PPARGC1A: variants seen among roughly 807,000 people sequenced by gnomAD.
The protein encoded by PPARGC1A is PPARG coactivator 1 alpha.
A neutral mutation model predicts 88.7 loss-of-function variants in PPARGC1A; 25 were observed. That is an observed-to-expected ratio of 0.28 (90% confidence interval 0.21 to 0.39). PPARGC1A has a LOEUF of 0.39. Ranked by LOEUF, PPARGC1A falls within the 10% of genes least tolerant of loss-of-function variation. PPARGC1A has a pLI of 1.00. For missense variants in PPARGC1A, 880 were observed against 968.7 expected, an observed-to-expected ratio of 0.91 and a Z score of 1.22; for synonymous variants, 363 against 355.6, an observed-to-expected ratio of 1.02 and a Z score of -0.24.
At chr4:24,444,968 G>T in the PPARGC1A span, among the ~76,000 whole-genome samples, 1 of 151,982 alleles carries the variant, frequency 6.6e-6, no homozygotes, top group African/African-American at 2.4e-5. Flanking sequence ...TGGGAGGATT[G>T]CTAAGCCCAG....
At chr4:23,851,535 A>G (rs1729297794) in intron 2 of PPARGC1A, among the ~76,000 whole-genome samples, 1 of 152,220 alleles carries the variant, frequency 6.6e-6, no homozygotes, top group South Asian at 2.1e-4. Flanking sequence ...GTGAAAGCAA[A>G]TGATGTTATC....
At chr4:24,183,597 C>T in the PPARGC1A span, among the ~76,000 whole-genome samples, 8 of 152,166 alleles carry the variant, frequency 5.3e-5, no homozygotes, top group African/African-American at 1.9e-4. Flanking sequence ...TAGAGAAATC[C>T]AGGCTGATAT....
the PPARGC1A span, among the ~76,000 whole-genome samples, chr4:24,143,255 G>A: frequency 5.9e-5 from 9 of 152,084 alleles, no homozygotes; most frequent in Non-Finnish European, 1.3e-4. Flanking sequence ...CCAGGCACTG[G>A]GGATGTCATG....
At chr4:24,021,579 T>C in the PPARGC1A span, among the ~76,000 whole-genome samples, 1 of 152,128 alleles carries the variant, frequency 6.6e-6, no homozygotes, top group Non-Finnish European at 1.5e-5. Context: ...CAGTTAGTGT[T>C]AGGAGTAAGT....
the PPARGC1A span, among the ~76,000 whole-genome samples, chr4:24,060,689 C>T: frequency 5.3e-5 from 8 of 152,132 alleles, no homozygotes; most frequent in African/African-American, 1.9e-4. Context: ...ATCACAGTGC[C>T]CTGGCCACTT....
chr4:23,874,750 C>T (rs1278133438), intron 2 of PPARGC1A, among the ~76,000 whole-genome samples: 1 of 152,152 alleles, frequency 6.6e-6, no homozygotes, highest in African/African-American at 2.4e-5. Context: ...AGGACAAGAC[C>T]ACAAACCATC....
At chr4:23,818,600 T>TA (rs1722397672) in intron 7 of PPARGC1A, among the ~76,000 whole-genome samples, 2 of 152,072 alleles carry the variant, frequency 1.3e-5, no homozygotes, top group Non-Finnish European at 2.9e-5. Context: ...CACTCACACT[T>TA]ACGCACTTCT....
At chr4:23,974,799 ATTTTTTTTTTTTTTT>A in the PPARGC1A span, among the ~76,000 whole-genome samples, 309 of 61,136 alleles carry the variant, frequency 5.1e-3, 6 homozygotes, top group Non-Finnish European at 5.6e-3. Context: ...GGCCCGGCTA[ATTTTTTTTTTTTTTT>A]TTTTTTTTTT....
chr4:24,005,823 G>C, the PPARGC1A span, among the ~76,000 whole-genome samples: 1 of 152,048 alleles, frequency 6.6e-6, no homozygotes, highest in African/African-American at 2.4e-5. Context: ...ACATGGGGAA[G>C]AACAAACCCA....
At chr4:24,315,832 T>C in the PPARGC1A span, among the ~76,000 whole-genome samples, 2 of 152,168 alleles carry the variant, frequency 1.3e-5, no homozygotes, top group Admixed American at 1.3e-4. Flanking sequence ...GCTCGCATCA[T>C]TTGTAGATTA....
the PPARGC1A span, among the ~76,000 whole-genome samples, chr4:24,076,483 A>T: frequency 1.3e-5 from 2 of 152,160 alleles, no homozygotes; most frequent in African/African-American, 4.8e-5. Flanking sequence ...CTCAAATACA[A>T]GTTTATTGAG....
chr4:24,369,010 C>T, the PPARGC1A span, among the ~76,000 whole-genome samples: 3 of 152,164 alleles, frequency 2.0e-5, no homozygotes, highest in African/African-American at 4.8e-5. Flanking sequence ...CAACCTCCCA[C>T]GAGCACCCCA....
the PPARGC1A span, among the ~76,000 whole-genome samples, chr4:24,334,089 A>C: frequency 6.6e-6 from 1 of 152,100 alleles, no homozygotes; most frequent in South Asian, 2.1e-4. Flanking sequence ...CCCACCCCAA[A>C]GTTTTAGGAG....
chr4:24,164,850 G>A, the PPARGC1A span, among the ~76,000 whole-genome samples: 1 of 152,066 alleles, frequency 6.6e-6, no homozygotes, highest in Non-Finnish European at 1.5e-5. Context: ...TAGGGGGAAG[G>A]AAGGCGGGCA....
the PPARGC1A span, among the ~76,000 whole-genome samples, chr4:24,227,564 A>T: frequency 1.3e-5 from 2 of 152,278 alleles, no homozygotes; most frequent in Non-Finnish European, 2.9e-5. Flanking sequence ...TGATAACTTT[A>T]AAATGCCAAG....
the PPARGC1A span, among the ~76,000 whole-genome samples, chr4:24,350,865 C>T: frequency 1.3e-5 from 2 of 152,166 alleles, no homozygotes; most frequent in African/African-American, 2.4e-5. Context: ...CATCATGGCT[C>T]ACACTTGTAA....
chr4:23,907,408 G>T (rs1720176690), upstream of PPARGC1A, among the ~76,000 whole-genome samples: 1 of 152,116 alleles, frequency 6.6e-6, no homozygotes, highest in East Asian at 1.9e-4. Context: ...TGCAAATTAT[G>T]CATTTAAAGA....
chr4:24,107,930 GTAGA>G, the PPARGC1A span, among the ~76,000 whole-genome samples: 8 of 152,320 alleles, frequency 5.3e-5, no homozygotes, highest in African/African-American at 1.9e-4. Context: ...GGTTTGCCAA[GTAGA>G]TAGCCACTGG....
chr4:24,274,220 T>A, the PPARGC1A span, among the ~76,000 whole-genome samples: 1 of 152,142 alleles, frequency 6.6e-6, no homozygotes, highest in Non-Finnish European at 1.5e-5. Flanking sequence ...CATTTGTTAA[T>A]TCATATTGTC....
Sources: allele counts gnomAD v4.1 joint callset (sites outside exome capture counted in the v4.1 genomes callset), GRCh38; gene constraint gnomAD v4.1.1; transcripts MANE v1.5; gene names NCBI Gene and HGNC (gene_info 2026-07-23, HGNC 2026-07-21).